Variants in OXSR1 observed in about 807,000 individuals in gnomAD.
OXSR1 encodes oxidative stress responsive kinase 1, also known as serine/threonine-protein kinase OSR1.
Under a neutral mutation model 79.8 loss-of-function variants are expected in OXSR1, and 24 were observed. The ratio of observed to expected loss-of-function variants is 0.30; its 90% CI spans 0.22 to 0.42. The LOEUF is 0.42. Ranked by LOEUF, OXSR1 falls within the 10% of genes least tolerant of loss-of-function variation. The pLI is 1.00. For synonymous variants in OXSR1, 226 were observed against 209.2 expected, an observed-to-expected ratio of 1.08 and a Z score of -0.69; for missense variants, 430 against 618.4, an observed-to-expected ratio of 0.70 and a Z score of 3.23.
chr3:38,177,589 C>G (rs1254890156), intron 1 of OXSR1, among the ~76,000 whole-genome samples: 1 of 151,684 alleles, frequency 6.6e-6, no homozygotes, highest in African/African-American at 2.4e-5. Flanking sequence ...CTCTTTCTTT[C>G]TTTTTTGTTT....
intron 17 of OXSR1, among the ~76,000 whole-genome samples, 196 bp downstream of exon 17, chr3:38,252,588 G>A (rs34726796): frequency 0.036 from 5,499 of 152,098 alleles, 110 homozygotes; most frequent in Middle Eastern, 0.13. Flanking sequence ...GGAAACCTCT[G>A]ACCCCAGAGA....
At chr3:38,246,304 A>G (rs1217830469) in intron 13 of OXSR1, 83 bp downstream of exon 13, 2 of 1,287,362 alleles carry the variant, frequency 1.6e-6, no homozygotes, top group East Asian at 2.4e-5. Context: ...AACCTAATGT[A>G]ATCAGGTTAA....
intron 2 of OXSR1, among the ~76,000 whole-genome samples, chr3:38,185,567 CAG>C (rs1163111890): frequency 6.6e-6 from 1 of 152,138 alleles, no homozygotes; most frequent in African/African-American, 2.4e-5. Flanking sequence ...GCTTGGGTGA[CAG>C]AGCAAGACTC....
chr3:38,207,124 C>A (rs1439836881), intron 4 of OXSR1, among the ~76,000 whole-genome samples: 1 of 152,166 alleles, frequency 6.6e-6, no homozygotes, highest in Non-Finnish European at 1.5e-5. Context: ...GTGAGATGTT[C>A]TCTGTCACCA....
intron 11 of OXSR1, among the ~76,000 whole-genome samples, chr3:38,240,916 C>T (rs1183525300): frequency 1.3e-5 from 2 of 152,102 alleles, no homozygotes; most frequent in African/African-American, 4.8e-5. Context: ...CTACCAAGTG[C>T]TGACCAGTAA....
chr3:38,193,645 C>A (rs1423603106), intron 3 of OXSR1, among the ~76,000 whole-genome samples: 2 of 146,552 alleles, frequency 1.4e-5, no homozygotes, highest in Admixed American at 6.8e-5. Flanking sequence ...AATTCCTGTT[C>A]CTCTCTCAGT....
At chr3:38,180,419 T>C (rs562019626) in intron 1 of OXSR1, among the ~76,000 whole-genome samples, 39 of 152,252 alleles carry the variant, frequency 2.6e-4, no homozygotes, top group African/African-American at 7.9e-4. Flanking sequence ...TCATACTATA[T>C]ACAGACTTTT....
intron 9 of OXSR1, 136 bp downstream of exon 9, chr3:38,229,871 G>A (rs1252694794): frequency 2.8e-6 from 2 of 705,082 alleles, no homozygotes; most frequent in African/African-American, 3.6e-5. Context: ...AAAGCACTAT[G>A]TATACAGTCT....
chr3:38,173,106 A>G (rs915814352), intron 1 of OXSR1, among the ~76,000 whole-genome samples: 6 of 152,170 alleles, frequency 3.9e-5, no homozygotes, highest in Admixed American at 2.6e-4. Context: ...TTCCACTTCT[A>G]TTTTACTGGC....
Position 38,198,881 on chromosome 3 carries a change from C to T in OXSR1, c.434+18C>T, listed in dbSNP as rs780680014. Reference sequence around the variant, plus strand: ...ATCCACAGGTATGTAAAAGACAATACTCTTGTGTTACATCATCTCATTAAG... The same window carrying T: ...ATCCACAGGTATGTAAAAGACAATATTCTTGTGTTACATCATCTCATTAAG... On this transcript the variant is annotated intron_variant, in intron 4 of 17. Transcript: ENST00000311806. The T allele has an allele frequency of 6.2e-7, 1 of 1,605,430 alleles. No homozygotes were observed. Among genetic ancestry groups the T allele is most frequent in the East Asian group, 2.2e-5 (1 of 44,780 alleles).
chr3:38,181,981 G>C, intron 1 of OXSR1, among the ~76,000 whole-genome samples: 1 of 152,002 alleles, frequency 6.6e-6, no homozygotes, highest in East Asian at 1.9e-4. Context: ...TCAGCCTCCT[G>C]ATTAGCTAGG....
At chr3:38,166,963 G>C (rs1351968612) in intron 1 of OXSR1, among the ~76,000 whole-genome samples, 1 of 152,114 alleles carries the variant, frequency 6.6e-6, no homozygotes, top group Non-Finnish European at 1.5e-5. Context: ...TGAGAAGTGA[G>C]GATTAAGAGC....
At chr3:38,174,951 G>A (rs1415020746) in intron 1 of OXSR1, among the ~76,000 whole-genome samples, 2 of 152,166 alleles carry the variant, frequency 1.3e-5, no homozygotes, top group African/African-American at 4.8e-5. Flanking sequence ...TTTGTATGGA[G>A]AGAATAGCAT....
chr3:38,246,210 A>G lies in OXSR1; in HGVS notation c.1246A>G (p.Lys416Glu). 22 of 1,613,740 alleles carry G rather than the reference A, an allele frequency of 1.4e-5. No homozygotes were observed. The highest frequency in any genetic ancestry group is 1.8e-5 in the Non-Finnish European group (21 of 1,179,772). Residue 416 changes from lysine to glutamate, a missense_variant, in exon 13 of 18, where the codon AAA (lysine) becomes GAA (glutamate). Physicochemically the swap from Lys to Glu is moderately conservative, Grantham distance 56. Around this residue, in one of 3 missense-constraint regions of OXSR1, gnomAD observed 276 missense variants for 354.2 expected, o/e 0.78. Transcript: ENST00000311806. Reference sequence around the variant, plus strand: ...TCTCCCACCCACCGCAGAGCCAGCAAAAACAGCTCAGGTAAAGCCGGGGAT... The same window carrying G: ...TCTCCCACCCACCGCAGAGCCAGCAGAAACAGCTCAGGTAAAGCCGGGGAT... ...VSLPPTAEPA[K>E]TAQALSSGSG...
chr3:38,209,129 G>T (rs567465030), intron 4 of OXSR1, among the ~76,000 whole-genome samples: 18 of 152,042 alleles, frequency 1.2e-4, no homozygotes, highest in African/African-American at 4.3e-4. Flanking sequence ...ACTTTTCTGG[G>T]TCTTTGCTTT....
At chr3:38,240,650 A>G (rs377557249) in intron 11 of OXSR1, among the ~76,000 whole-genome samples, 4 of 151,608 alleles carry the variant, frequency 2.6e-5, no homozygotes, top group Non-Finnish European at 5.9e-5. Flanking sequence ...CAGGGAAAAT[A>G]TAAGGGGAAT....
rs1702633575 is a variant in OXSR1, at chr3:38,223,676, C to A, written c.601-136C>A. ...TGTTGGTCAGGCCGGTCTTGAACTCCCAACCTCAGGTGATTCGCCTGCCTC... is the reference window on the plus strand; with the variant it reads ...TGTTGGTCAGGCCGGTCTTGAACTCACAACCTCAGGTGATTCGCCTGCCTC... On this transcript the variant is annotated intron_variant, in intron 6 of 17. Transcript: ENST00000311806. 14 of 512,086 alleles carry A rather than the reference C, an allele frequency of 2.7e-5. No individual in the cohort carries two copies. The East Asian group carries it at 4.5e-4, about 17-fold the overall frequency. The allele number at this position is 512,086 out of a possible 1,614,324, so 31.7% of individuals were successfully genotyped here. A position where few individuals can be genotyped will look rare whatever the true frequency, so the allele number is the denominator to read the frequency against.
Position 38,253,049 on chromosome 3 carries a change from T to C in OXSR1, c.*158T>C. 1 of 614,584 alleles carries C rather than the reference T, an allele frequency of 1.6e-6. No homozygotes were observed. Among genetic ancestry groups the C allele is most frequent in the South Asian group, 2.0e-5 (1 of 50,208 alleles). The allele number at this position is 614,584 out of a possible 1,614,324, so 38.1% of individuals were successfully genotyped here. ...TGTTCTTCCTGCCATCATTCCTCCTTTTCCCACAGGGAAAGAAAAGTTGGA... is the reference window on the plus strand; with the variant it reads ...TGTTCTTCCTGCCATCATTCCTCCTCTTCCCACAGGGAAAGAAAAGTTGGA... On this transcript the variant is annotated 3_prime_UTR_variant, in exon 18 of 18. Coordinates refer to ENST00000311806, the MANE Select transcript of OXSR1 (RefSeq NM_005109.3).
At chr3:38,244,610 T>C (rs1294359086) in intron 12 of OXSR1, among the ~76,000 whole-genome samples, 1 of 148,390 alleles carries the variant, frequency 6.7e-6, no homozygotes, top group Non-Finnish European at 1.5e-5. Context: ...AGAATGTCCT[T>C]ACTTTTTAAG....
Sources: allele counts gnomAD v4.1 joint callset (sites outside exome capture counted in the v4.1 genomes callset), GRCh38; gene constraint gnomAD v4.1.1; regional missense constraint gnomAD v4.1.1; transcripts MANE v1.5; gene names NCBI Gene and HGNC (gene_info 2026-07-23, HGNC 2026-07-21).